The following ZFHX3 variants were observed in gnomAD, a reference collection of about 807,000 sequenced individuals.
The protein encoded by ZFHX3 is zinc finger homeobox protein 3.
In ZFHX3, 42 loss-of-function variants were observed where a neutral mutation model predicts 279.1. The observed-to-expected ratio is 0.15, with a 90% CI of 0.12 to 0.19. ZFHX3 has a LOEUF of 0.19. Ranked by LOEUF, ZFHX3 falls within the 10% of genes least tolerant of loss-of-function variation. The probability of loss-of-function intolerance (pLI) is 1.00; values close to 1 mark genes in which losing one functional copy is unlikely to be tolerated. For synonymous variants in ZFHX3, 2,293 were observed against 1,957.8 expected, an observed-to-expected ratio of 1.17 and a Z score of -4.52; for missense variants, 4,981 against 4,754.0, an observed-to-expected ratio of 1.05 and a Z score of -1.40.
intron 5 of ZFHX3, chr16:73,143,885 T>A: frequency 2.6e-6 from 2 of 757,810 alleles, no homozygotes; most frequent in Non-Finnish European, 3.9e-6. Flanking sequence ...TTGGCAAACC[T>A]TCGCAGGCCA....
At chr16:73,738,319 G>C (rs1346596562) in intron 1 of ZFHX3, among the ~76,000 whole-genome samples, 1 of 152,174 alleles carries the variant, frequency 6.6e-6, no homozygotes, top group African/African-American at 2.4e-5. Flanking sequence ...CTTAGAGAGG[G>C]GCAGGAGCCA....
intron 3 of ZFHX3, among the ~76,000 whole-genome samples, chr16:72,906,975 C>T (rs962882358): frequency 4.6e-5 from 7 of 152,152 alleles, no homozygotes; most frequent in South Asian, 2.1e-4. Context: ...TTTTATGTGA[C>T]GCGTGCACAG....
intron 1 of ZFHX3, among the ~76,000 whole-genome samples, chr16:73,725,767 T>A (rs1246878594): frequency 6.6e-6 from 1 of 152,048 alleles, no homozygotes; most frequent in Non-Finnish European, 1.5e-5. Context: ...GACAGTGCTT[T>A]CCCCTTTAAA....
Position 72,961,907 on chromosome 16 carries a change from AC to A in ZFHX3, c.-49-1714del, listed in dbSNP as rs1199166187. 1.3e-3 allele frequency among the ~76,000 whole-genome samples: 193 copies of A among 151,884 alleles called. 3 individuals are homozygous for A. In the South Asian group the frequency reaches 0.039, roughly 30 times the overall value. On this transcript the variant is annotated intron_variant, in intron 1 of 9. Coordinates refer to ENST00000268489, the MANE Select transcript of ZFHX3 (RefSeq NM_006885.4). ...AGTAAACCAAACCAAACCAAACCAA[AC>A]CAAACCAAACCAAACCAAACCAAAC... is the stretch of plus-strand genomic sequence containing the variant.
intron 1 of ZFHX3, among the ~76,000 whole-genome samples, chr16:73,705,462 A>G (rs1297964692): frequency 6.6e-6 from 1 of 152,210 alleles, no homozygotes; most frequent in Non-Finnish European, 1.5e-5. Flanking sequence ...CTGATGCTGC[A>G]AAGGCGAGAA....
intron 2 of ZFHX3, among the ~76,000 whole-genome samples, chr16:73,616,727 C>T (rs980035316): frequency 2.6e-5 from 4 of 152,080 alleles, no homozygotes; most frequent in South Asian, 2.1e-4. Context: ...TTATGATCCC[C>T]TTAGCAAATT....
At position 72,797,371 on chromosome 16, in the gene ZFHX3, G is replaced by C. The variant is rs1418090249; in HGVS notation, c.5311C>G (p.Leu1771Val). ...QQQAALIQSQ[L>V]FNPTLLPHFP... ...TGAGGAAGGAGGGTGGGGTTAAACA[G>C]CTGAGACTGGATCAGGGCAGCCTGT... The change falls in exon 9 of 10, where the codon CTG (leucine) becomes GTG (valine). Residue 1771 changes from leucine to valine, a missense_variant. Leu to Val is a conservative substitution (Grantham distance 32). Transcript: ENST00000268489. 1 of 1,603,218 alleles carries C rather than the reference G, an allele frequency of 6.2e-7. No homozygotes were observed. The highest frequency in any genetic ancestry group is 1.1e-5 in the South Asian group (1 of 88,248).
chr16:73,050,702 A>G (rs1222087568), upstream of ZFHX3, among the ~76,000 whole-genome samples: 1 of 144,674 alleles, frequency 6.9e-6, no homozygotes, highest in East Asian at 1.9e-4. Flanking sequence ...TGTTAAACCC[A>G]TGGCCTACCC....
chr16:73,466,399 C>T (rs1597346270), intron 2 of ZFHX3, among the ~76,000 whole-genome samples: 2 of 152,344 alleles, frequency 1.3e-5, no homozygotes, highest in South Asian at 2.1e-4. Context: ...GGGAGGATCA[C>T]TTGATCTCAG....
chr16:73,684,390 A>G (rs1306323612), intron 1 of ZFHX3, among the ~76,000 whole-genome samples: 3 of 152,042 alleles, frequency 2.0e-5, no homozygotes, highest in Non-Finnish European at 4.4e-5. Flanking sequence ...GGAGCGAATT[A>G]GACTATAGGA....
rs398029895 is a variant in ZFHX3 at position 73,227,848 on chromosome 16, C to CAAAAAA, written c.-1104+29193_-1104+29198dup. ...TGAGCAACAGAGCAAGATTCTGTCTCAAAAAAAAAAAAAAAAAAAAAAAAA... is the reference window on the plus strand; with the variant it reads ...TGAGCAACAGAGCAAGATTCTGTCTCAAAAAAAAAAAAAAAAAAAAAAAAAAAAAAA... On this transcript the variant is annotated intron_variant, in intron 5 of 17. Coordinates refer to the ZFHX3 transcript ENST00000641206. 7.7e-3 allele frequency among the ~76,000 whole-genome samples: 356 copies of CAAAAAA among 46,026 alleles called. 35 individuals are homozygous for CAAAAAA. Among genetic ancestry groups the CAAAAAA allele is most frequent in the African/African-American group, 0.036 (338 of 9,446 alleles). 30.2% of individuals were successfully genotyped at this position (46,026 alleles called of 152,430 possible). A position where few individuals can be genotyped will look rare whatever the true frequency, so the allele number is the denominator to read the frequency against.
At chr16:72,847,949 A>T (rs896325162) in intron 4 of ZFHX3, among the ~76,000 whole-genome samples, 10 of 152,124 alleles carry the variant, frequency 6.6e-5, no homozygotes, top group African/African-American at 2.4e-4. Context: ...CATTCACATC[A>T]TCAGGAGAAC....
At chr16:73,071,641 C>G (rs1965828710) in intron 8 of ZFHX3, among the ~76,000 whole-genome samples, 1 of 152,176 alleles carries the variant, frequency 6.6e-6, no homozygotes, top group South Asian at 2.1e-4. Context: ...GTTCAAAGGC[C>G]TATTTATAGG....
At chr16:73,740,061 C>T (rs1038069149) in intron 1 of ZFHX3, among the ~76,000 whole-genome samples, 2 of 152,152 alleles carry the variant, frequency 1.3e-5, no homozygotes, top group African/African-American at 4.8e-5. Context: ...CCGGCACCAT[C>T]AGCACAGCAT....
At chr16:73,616,413 T>C (rs569911554) in intron 2 of ZFHX3, among the ~76,000 whole-genome samples, 2 of 133,368 alleles carry the variant, frequency 1.5e-5, no homozygotes, top group East Asian at 2.1e-4. Flanking sequence ...ATAGCAGTAA[T>C]TGGCAACTAT....
chr16:73,517,134 T>C (rs2143699517), intron 2 of ZFHX3, among the ~76,000 whole-genome samples: 1 of 152,298 alleles, frequency 6.6e-6, no homozygotes, highest in Admixed American at 6.5e-5. Context: ...CATTCCCATA[T>C]TCCCGTTAAA....
At chr16:73,235,808 C>G (rs1490710935) in intron 5 of ZFHX3, among the ~76,000 whole-genome samples, 3 of 151,986 alleles carry the variant, frequency 2.0e-5, no homozygotes, top group Non-Finnish European at 4.4e-5. Flanking sequence ...GCGGCTGGGA[C>G]TATAGGCATG....
chr16:72,877,907 G>C (rs1470781364), intron 4 of ZFHX3, among the ~76,000 whole-genome samples: 2 of 152,178 alleles, frequency 1.3e-5, no homozygotes, highest in African/African-American at 4.8e-5. Flanking sequence ...ACTCACACCT[G>C]AATTATAGTG....
intron 1 of ZFHX3, among the ~76,000 whole-genome samples, chr16:73,890,364 T>A (rs2030494302): frequency 2.0e-5 from 3 of 152,130 alleles, no homozygotes; most frequent in African/African-American, 7.2e-5. Context: ...AATGTTCCAT[T>A]TTTACTCCTG....
Sources: allele counts gnomAD v4.1 joint callset (sites outside exome capture counted in the v4.1 genomes callset), GRCh38; gene constraint gnomAD v4.1.1; transcripts MANE v1.5; gene names NCBI Gene and HGNC (gene_info 2026-07-23, HGNC 2026-07-21).